Variants in KAZN observed in about 807,000 individuals in gnomAD.
KAZN encodes kazrin, periplakin interacting protein.
A neutral mutation model predicts 87.4 loss-of-function variants in KAZN; 40 were observed. The ratio of observed to expected loss-of-function variants is 0.46; its 90% CI spans 0.36 to 0.60. The LOEUF is 0.60. Ranked by LOEUF, KAZN falls within the 20% of genes least tolerant of loss-of-function variation. The pLI is 0.00. For synonymous variants in KAZN, 466 were observed against 458.3 expected (o/e 1.02, Z -0.22); for missense variants, 898 against 1,073.9 (o/e 0.84, Z 2.29).
intron 1 of KAZN, among the ~76,000 whole-genome samples, chr1:14,006,678 A>C (rs1640050250): frequency 6.6e-6 from 1 of 152,038 alleles, no homozygotes; most frequent in African/African-American, 2.4e-5. Context: ...TCTGAGCTCT[A>C]TATTCTGTTT....
chr1:14,445,626 A>G (rs958104950), intron 2 of KAZN, among the ~76,000 whole-genome samples: 2 of 152,134 alleles, frequency 1.3e-5, no homozygotes, highest in African/African-American at 2.4e-5. Flanking sequence ...GAACACCAAC[A>G]TGGTGGTCTG....
chr1:14,950,609 T>C (rs1662362861), intron 1 of KAZN, among the ~76,000 whole-genome samples: 1 of 152,142 alleles, frequency 6.6e-6, no homozygotes, highest in African/African-American at 2.4e-5. Context: ...GAGCTGAGTT[T>C]CCCTGTGGCA....
intron 3 of KAZN, among the ~76,000 whole-genome samples, chr1:15,043,611 A>G (rs1293903070): frequency 4.8e-5 from 7 of 145,272 alleles, no homozygotes; most frequent in Non-Finnish European, 1.0e-4. Flanking sequence ...TCCTGGCCAC[A>G]TGTCATGGGG....
At chr1:14,600,437 C>T (rs1676867124) in intron 1 of KAZN, among the ~76,000 whole-genome samples, 1 of 152,098 alleles carries the variant, frequency 6.6e-6, no homozygotes, top group African/African-American at 2.4e-5. Context: ...GTGAAGCCTG[C>T]CCACGTGCAG....
At chr1:14,305,119 C>T (rs746057731) in intron 2 of KAZN, among the ~76,000 whole-genome samples, 4 of 152,080 alleles carry the variant, frequency 2.6e-5, no homozygotes, top group Non-Finnish European at 4.4e-5. Context: ...GCATCAGCTA[C>T]GGTTTTGTAA....
intron 1 of KAZN, among the ~76,000 whole-genome samples, chr1:14,724,991 C>G (rs750257799): frequency 6.6e-6 from 1 of 152,194 alleles, no homozygotes; most frequent in Non-Finnish European, 1.5e-5. Context: ...AAAAGGCACT[C>G]AGAAGTACCA....
intron 1 of KAZN, among the ~76,000 whole-genome samples, chr1:14,088,769 T>C (rs187285279): frequency 3.0e-4 from 46 of 152,158 alleles, no homozygotes; most frequent in African/African-American, 1.1e-3. Flanking sequence ...CTAGTTCTTC[T>C]TTTAGTTATA....
chr1:14,482,874 C>T (rs1178783203), intron 2 of KAZN, among the ~76,000 whole-genome samples: 1 of 152,122 alleles, frequency 6.6e-6, no homozygotes, highest in Non-Finnish European at 1.5e-5. Flanking sequence ...TTCTGGCATC[C>T]GACTGCCTGG....
intron 1 of KAZN, among the ~76,000 whole-genome samples, chr1:14,171,338 T>C (rs1273026285): frequency 6.6e-6 from 1 of 151,622 alleles, no homozygotes; most frequent in African/African-American, 2.4e-5. Flanking sequence ...AAGAAAATTC[T>C]GTGTTCAACT....
chr1:14,534,624 GCCA>G lies in KAZN; in HGVS notation c.250-64358_250-64356del. 2.6e-5 allele frequency among the ~76,000 whole-genome samples: 4 copies of G among 151,370 alleles called. 1 individual carries two copies. In the South Asian group the frequency reaches 8.4e-4, roughly 32 times the overall value. On this transcript the variant is annotated intron_variant, in intron 2 of 16. Transcript: ENST00000636203. ...CGCACCACTGCACTCCAGCCTGGGA[GCCA>G]GAGCGAGACTCCATCTCAAAAAAAT...
chr1:14,840,104 T>C (rs2100925656), intron 1 of KAZN, among the ~76,000 whole-genome samples: 1 of 152,220 alleles, frequency 6.6e-6, no homozygotes, highest in Non-Finnish European at 1.5e-5. Flanking sequence ...TCACATTGTG[T>C]TGTTCTCATG....
intron 1 of KAZN, among the ~76,000 whole-genome samples, chr1:14,051,590 C>T (rs575971878): frequency 1.1e-4 from 17 of 152,298 alleles, no homozygotes; most frequent in East Asian, 3.9e-4. Flanking sequence ...TGGTGGCTTA[C>T]GCCTATAATC....
At chr1:14,354,524 A>G (rs1213028322) in intron 2 of KAZN, among the ~76,000 whole-genome samples, 1 of 152,222 alleles carries the variant, frequency 6.6e-6, no homozygotes, top group Non-Finnish European at 1.5e-5. Flanking sequence ...ACAGTTCATA[A>G]AAGACGTATA....
At chr1:13,917,638 A>T (rs534935541) in intron 1 of KAZN, among the ~76,000 whole-genome samples, 14 of 152,078 alleles carry the variant, frequency 9.2e-5, no homozygotes, top group Middle Eastern at 3.4e-3. Flanking sequence ...TATATAAAAA[A>T]TTTTTTAAAA....
chr1:14,146,409 A>T (rs552262461), intron 1 of KAZN, among the ~76,000 whole-genome samples: 112 of 151,450 alleles, frequency 7.4e-4, no homozygotes, highest in African/African-American at 2.6e-3. Context: ...GGTGGTGGGC[A>T]CCTGTAATCC....
intron 2 of KAZN, among the ~76,000 whole-genome samples, chr1:14,328,396 G>A (rs1463420081): frequency 6.6e-6 from 1 of 150,782 alleles, no homozygotes; most frequent in Non-Finnish European, 1.5e-5. Context: ...TGTGTTGTAC[G>A]CATGCATTCT....
chr1:15,107,105 T>G (rs1641321393), intron 13 of KAZN, among the ~76,000 whole-genome samples: 1 of 152,196 alleles, frequency 6.6e-6, no homozygotes, highest in Non-Finnish European at 1.5e-5. Flanking sequence ...AGAAGCTCTT[T>G]CTGGAACTGA....
intron 2 of KAZN, among the ~76,000 whole-genome samples, chr1:14,239,551 C>G (rs1308130896): frequency 2.0e-5 from 3 of 149,626 alleles, no homozygotes; most frequent in Non-Finnish European, 4.4e-5. Context: ...ACTTCTGCCT[C>G]CCGGGTTCAG....
chr1:14,939,564 C>T (rs1660823655), intron 1 of KAZN, among the ~76,000 whole-genome samples: 2 of 152,276 alleles, frequency 1.3e-5, no homozygotes, highest in South Asian at 4.2e-4. Context: ...GTGAGCCTCT[C>T]GCCTGGCCAG....
Sources: allele counts gnomAD v4.1 joint callset (sites outside exome capture counted in the v4.1 genomes callset), GRCh38; gene constraint gnomAD v4.1.1; transcripts MANE v1.5; gene names NCBI Gene and HGNC (gene_info 2026-07-23, HGNC 2026-07-21).